The following ELMO3 variants were observed in gnomAD, a reference collection of about 807,000 sequenced individuals.
ELMO3 encodes the protein engulfment and cell motility 3.
A neutral mutation model predicts 89.0 loss-of-function variants in ELMO3; 81 were observed. The ratio of observed to expected loss-of-function variants is 0.91; its 90% CI spans 0.76 to 1.09. The LOEUF (loss-of-function observed/expected upper bound fraction) is 1.09, where lower values mean the gene tolerates loss of function less well. Among genes scored for constraint, ELMO3 ranks in the 50% least tolerant of loss-of-function variants. The pLI is 0.00. For synonymous variants in ELMO3, 406 were observed against 400.6 expected (o/e 1.01, Z -0.16); for missense variants, 959 against 972.8 (o/e 0.99, Z 0.19).
Position 67,201,770 on chromosome 16 carries a change from G to A in ELMO3, c.947G>A (p.Arg316His), listed in dbSNP as rs1290234334. ...QEQREQLQVL[R>H]QAAFEVEGES... ...CAGCGGGAGCAGCTGCAGGTCCTAC[G>A]CCAGGCTGCCTTCGAGGTGGAGGGG... Residue 316 changes from arginine to histidine, a missense_variant, in exon 11 of 20, where the codon CGC (arginine) becomes CAC (histidine). Arg to His is a conservative substitution (Grantham distance 29). Transcript: ENST00000393997. 6.2e-6 allele frequency: 10 copies of A among 1,611,020 alleles called. No individual in the cohort carries two copies. Among genetic ancestry groups the A allele is most frequent in the Non-Finnish European group, 8.5e-6 (10 of 1,180,002 alleles).
chr16:67,203,657 A>AC lies in ELMO3; in HGVS notation c.1951-3dup. 1 of 1,613,438 alleles carries AC rather than the reference A, an allele frequency of 6.2e-7. No individual in the cohort carries two copies. Among genetic ancestry groups the AC allele is most frequent in the Non-Finnish European group, 8.5e-7 (1 of 1,179,780 alleles). On this transcript the variant is annotated splice_polypyrimidine_tract_variant and splice_region_variant and intron_variant, in intron 19 of 19. Transcript: ENST00000393997. This position sits in a 1 kb window ranked among gnomAD's most constrained non-coding sequence, Gnocchi z 4.6. ...GGGCAGACCCTCACGGCTCTGTGCC[A>AC]CCCCCAGTTCTACCTGTGGACAGAT...
rs1423739613 is a variant in ELMO3, at chr16:67,201,728, A to G, written c.919-14A>G. 3 of 1,608,734 alleles carry G rather than the reference A, an allele frequency of 1.9e-6. No individual in the cohort carries two copies. The highest frequency in any genetic ancestry group is 2.5e-6 in the Non-Finnish European group (3 of 1,179,998). ...ATCTTGATCCCCTCCCCCGCCACCC[A>G]ACACTGACCCCAGGAGCAGCGGGAG... On this transcript the variant is annotated splice_polypyrimidine_tract_variant and intron_variant, in intron 10 of 19. Transcript: ENST00000393997.
Position 67,199,424 on chromosome 16 carries a change from C to T in ELMO3, c.78+20C>T. 1.2e-6 allele frequency: 2 copies of T among 1,602,028 alleles called. No homozygotes were observed. The highest frequency in any genetic ancestry group is 1.7e-6 in the Non-Finnish European group (2 of 1,178,812). On this transcript the variant is annotated intron_variant, in intron 1 of 19. Coordinates refer to ENST00000393997, the MANE Select transcript of ELMO3 (RefSeq NM_024712.5). ...GACCAGGTCACCCGGCTGGTCCCGCCTCCATCTGCCCCACTGCCCCACCTC... is the reference window on the plus strand; with the variant it reads ...GACCAGGTCACCCGGCTGGTCCCGCTTCCATCTGCCCCACTGCCCCACCTC...
chr16:67,200,260 G>C lies in ELMO3; in HGVS notation c.312G>C (p.Leu104=), dbSNP rs757891562. 29 of 1,613,800 alleles carry C rather than the reference G, an allele frequency of 1.8e-5. 2 individuals are homozygous for C. In the South Asian group the frequency reaches 3.0e-4, roughly 16 times the overall value. ...SNSPEGRREA[L]RRLVPLASDM... ...GTCCTGAAGGGCGCCGGGAAGCCCT[G>C]AGGCGCCTTGTTCCGCTGGCCTCGG... is the stretch of plus-strand genomic sequence containing the variant. Residue 104 remains leucine (L), a synonymous_variant, in exon 5 of 20, where the codon CTG becomes CTC. Transcript: ENST00000393997.
At chr16:67,201,667 G>A in intron 10 of ELMO3, 25 bp downstream of exon 10, 2 of 1,609,968 alleles carry the variant, frequency 1.2e-6, no homozygotes, top group Non-Finnish European at 1.7e-6. Flanking sequence ...TGAGGACAAG[G>A]CAGGGGGTGG....
chr16:67,200,020 C>G lies in ELMO3; in HGVS notation c.243+19C>G, dbSNP rs765364695. On this transcript the variant is annotated intron_variant, in intron 4 of 19. Coordinates refer to ENST00000393997, the MANE Select transcript of ELMO3 (RefSeq NM_024712.5). ...GGCCCCAGTAATGCCCCTCCCGTCCCGCCTTCCCCATCCCTGCCCCTTTGC... is the reference window on the plus strand; with the variant it reads ...GGCCCCAGTAATGCCCCTCCCGTCCGGCCTTCCCCATCCCTGCCCCTTTGC... The G allele has an allele frequency of 6.2e-7, 1 of 1,612,898 alleles. No homozygotes were observed. Among genetic ancestry groups the G allele is most frequent in the East Asian group, 2.2e-5 (1 of 44,862 alleles).
intron 1 of ELMO3, 51 bp downstream of exon 1, chr16:67,199,455 A>G (rs2033043604): frequency 1.3e-6 from 2 of 1,594,546 alleles, no homozygotes; most frequent in East Asian, 2.2e-5. Context: ...ACCTCCCGGT[A>G]GCCCCCTGGC....
At chr16:67,199,532 G>C (rs1320343762) in intron 1 of ELMO3, 21 bp from the exon 2 acceptor site, 2 of 1,561,794 alleles carry the variant, frequency 1.3e-6, no homozygotes, top group Non-Finnish European at 1.7e-6. Context: ...CAGGCCGCGA[G>C]AATGACCACT....
In ELMO3 at chr16:67,200,245, G is replaced by T; in HGVS notation, c.297G>T (p.Gly99=). The change falls in exon 5 of 20, where the codon GGG becomes GGT. Residue 99 remains glycine, a synonymous_variant. Coordinates refer to ENST00000393997, the MANE Select transcript of ELMO3 (RefSeq NM_024712.5). ...LGGLQSNSPE[G]RREALRRLVP... ...GGCTGCAGAGTAACAGTCCTGAAGGGCGCCGGGAAGCCCTGAGGCGCCTTG... is the reference window on the plus strand; with the variant it reads ...GGCTGCAGAGTAACAGTCCTGAAGGTCGCCGGGAAGCCCTGAGGCGCCTTG... 6.2e-7 allele frequency: 1 copy of T among 1,613,746 alleles called. No individual in the cohort carries two copies. Among genetic ancestry groups the T allele is most frequent in the Non-Finnish European group, 8.5e-7 (1 of 1,180,022 alleles).
chr16:67,199,471 G>A, intron 1 of ELMO3, 67 bp downstream of exon 1: 5 of 1,576,700 alleles, frequency 3.2e-6, no homozygotes, highest in Non-Finnish European at 4.3e-6. Flanking sequence ...CTGGCCCTCG[G>A]GGCAGCCCGC....
chr16:67,200,549 A>G lies in ELMO3; in HGVS notation c.512A>G (p.Lys171Arg). 1 of 1,613,410 alleles carries G rather than the reference A, an allele frequency of 6.2e-7. No individual in the cohort carries two copies. Among genetic ancestry groups the G allele is most frequent in the Non-Finnish European group, 8.5e-7 (1 of 1,179,842 alleles). ...WETLSIPFVR[K>R]VVCYVNMNLM... ...ACTCTGAGCATCCCCTTTGTGAGGA[A>G]GGTGGGTGGGCTTTCCTAGGGCAGC... is the stretch of plus-strand genomic sequence containing the variant. The change falls in exon 6 of 20, where the codon AAG (lysine) becomes AGG (arginine). Residue 171 changes from lysine to arginine, a missense_variant and splice_region_variant. By Grantham distance (26) the Lys-to-Arg change is conservative. Transcript: ENST00000393997.
In ELMO3 at chr16:67,201,965, C is replaced by T. The variant is rs1300369537; in HGVS notation, c.1051-12C>T. The stretch of plus-strand genomic sequence containing the variant: ...TGGCCCTTCTTGAACTGCCTGTGCC[C>T]ACTTCCCCCAGAACAGCAACCCAGC... On this transcript the variant is annotated splice_polypyrimidine_tract_variant and intron_variant, in intron 11 of 19. Transcript: ENST00000393997. The T allele has an allele frequency of 6.2e-7, 1 of 1,612,158 alleles. No homozygotes were observed. Among genetic ancestry groups the T allele is most frequent in the Middle Eastern group, 1.7e-4 (1 of 6,056 alleles).
rs1179622677 is a variant in ELMO3 at position 67,200,940 on chromosome 16, TGCAGGGGGCCAGCCCTGTGGAAC to T, written c.720_742del (p.Gly241AlafsTer4). ...GCCATGGCCCTGCTGACAGCCTTGC[TGCAGGGGGCCAGCCCTGTGGAAC>T]GCAAGGTGAGTGTCGATCGGTGGCT... On this transcript the variant is annotated frameshift_variant, in exon 8 of 20. Transcript: ENST00000393997. LOFTEE classifies it high-confidence loss of function. 5 of 1,612,086 alleles carry T rather than the reference TGCAGGGGGCCAGCCCTGTGGAAC, an allele frequency of 3.1e-6. No homozygotes were observed. The highest frequency in any genetic ancestry group is 4.2e-6 in the Non-Finnish European group (5 of 1,179,504).
chr16:67,203,269 C>A lies in ELMO3; in HGVS notation c.1780+46C>A, dbSNP rs2060824261. 1 of 1,589,690 alleles carries A rather than the reference C, an allele frequency of 6.3e-7. No individual in the cohort carries two copies. Among genetic ancestry groups the A allele is most frequent in the African/African-American group, 1.3e-5 (1 of 74,770 alleles). On this transcript the variant is annotated intron_variant, in intron 17 of 19. Transcript: ENST00000393997. This position sits in a 1 kb window ranked among gnomAD's most constrained non-coding sequence, Gnocchi z 4.6. Reference sequence around the variant, plus strand: ...GGCCAGATACCTGCTCTCCCCAGACCGCCCTGGGCCCCGGGGCTGCCAGGG... The same window carrying A: ...GGCCAGATACCTGCTCTCCCCAGACAGCCCTGGGCCCCGGGGCTGCCAGGG...
Position 67,202,238 on chromosome 16 carries a change from C to T in ELMO3, c.1215C>T (p.Ile405=). The change falls in exon 13 of 20, where the codon ATC becomes ATT. Residue 405 remains isoleucine (I), a synonymous_variant. Transcript: ENST00000393997. ...AGTGCCCCTTTGCCCGGGGCAGCAT[C>T]CAGCTGACGGTGCTGCTGTGTGAGC... ...KHECPFARGS[I]QLTVLLCELL... 1 of 1,605,812 alleles carries T rather than the reference C, an allele frequency of 6.2e-7. No individual in the cohort carries two copies. Among genetic ancestry groups the T allele is most frequent in the South Asian group, 1.1e-5 (1 of 90,712 alleles).
chr16:67,199,740 G>A lies in ELMO3; in HGVS notation c.176G>A (p.Arg59Lys), dbSNP rs755197090. ...CTGCAGTTTGCGGATGGGCACCGGA[G>A]ATACATCACCGAGAATGTGAGTCCC... ...YALQFADGHR[R>K]YITENNRAEI... is the part of the protein sequence containing the mutation. Residue 59 changes from arginine to lysine, a missense_variant, in exon 3 of 20, where the codon AGA (arginine) becomes AAA (lysine). Transcript: ENST00000393997. 3 of 1,611,282 alleles carry A rather than the reference G, an allele frequency of 1.9e-6. No homozygotes were observed. The highest frequency in any genetic ancestry group is 2.5e-6 in the Non-Finnish European group (3 of 1,179,774).
intron 1 of ELMO3, 72 bp downstream of exon 1, chr16:67,199,476 G>GGCCCCCCCCC (rs2033044390): frequency 1.3e-6 from 2 of 1,503,570 alleles, no homozygotes; most frequent in Non-Finnish European, 1.8e-6. Context: ...CCTCGGGGCA[G>GGCCCCCCCCC]CCCGCCCCAC....
At position 67,200,704 on chromosome 16, in the gene ELMO3, C is replaced by T. The variant is rs1190419007; in HGVS notation, c.561C>T (p.Pro187=). Residue 187 remains proline (P), a synonymous_variant, in exon 7 of 20, where the codon CCC becomes CCT. Coordinates refer to ENST00000393997, the MANE Select transcript of ELMO3 (RefSeq NM_024712.5). ...NMNLMDASVP[P]LALGLLESVT... The stretch of plus-strand genomic sequence containing the variant: ...ACCTCATGGATGCCTCCGTGCCTCC[C>T]CTGGCCCTTGGGCTGCTGGAGAGTG... The T allele has an allele frequency of 6.2e-7, 1 of 1,613,614 alleles. No homozygotes were observed. Among genetic ancestry groups the T allele is most frequent in the South Asian group, 1.1e-5 (1 of 91,086 alleles).
intron 8 of ELMO3, 115 bp from the exon 9 acceptor site, chr16:67,201,270 G>A (rs2033101480): frequency 4.2e-6 from 5 of 1,181,592 alleles, no homozygotes; most frequent in Admixed American, 1.8e-5. Flanking sequence ...TGTTAGCCAG[G>A]TTGGCCTCCA....
Sources: allele counts gnomAD v4.1 joint callset, GRCh38; gene constraint gnomAD v4.1.1; non-coding constraint Gnocchi (gnomAD v3.1); transcripts MANE v1.5; gene names NCBI Gene and HGNC (gene_info 2026-07-23, HGNC 2026-07-21).